Variants in VAV2 observed in about 807,000 individuals in gnomAD.
VAV2 encodes the protein vav guanine nucleotide exchange factor 2.
Under a neutral mutation model 132.5 loss-of-function variants are expected in VAV2, and 67 were observed. That is an observed-to-expected ratio of 0.51 (90% confidence interval 0.42 to 0.62). VAV2 has a LOEUF of 0.62. Ranked by LOEUF, VAV2 falls within the 20% of genes least tolerant of loss-of-function variation. The probability of loss-of-function intolerance (pLI) is 0.00; values close to 1 mark genes in which losing one functional copy is unlikely to be tolerated. For synonymous variants in VAV2, 492 were observed against 443.5 expected (o/e 1.11, Z -1.37); for missense variants, 938 against 1,153.6 (o/e 0.81, Z 2.71).
rs375729706 is a variant in VAV2 at position 133,975,736 on chromosome 9, G to T, written c.204+16339C>A. On this transcript the variant is annotated intron_variant, in intron 1 of 29. Transcript: ENST00000371850. ...CACAGTGCCCTGGGTCCAAGAGAGT[G>T]TTGAGCTCTAAGAGAATATTTAAAT... Among the ~76,000 whole-genome samples, 8 of 152,338 alleles carry T rather than the reference G, an allele frequency of 5.3e-5. 1 individual carries two copies. The South Asian group carries it at 1.5e-3, about 28-fold the overall frequency.
chr9:133,842,997 C>T (rs138861177), intron 3 of VAV2, among the ~76,000 whole-genome samples: 34 of 152,322 alleles, frequency 2.2e-4, no homozygotes, highest in African/African-American at 7.2e-4. Flanking sequence ...ACCAGGGCTT[C>T]GCTTATTAGA....
intron 2 of VAV2, among the ~76,000 whole-genome samples, chr9:133,927,426 GCAGAGGCTCAGCC>G (rs1352453307): frequency 6.6e-6 from 1 of 152,226 alleles, no homozygotes; most frequent in Non-Finnish European, 1.5e-5. Context: ...AGAGAACACA[GCAGAGGCTCAGCC>G]CAGAGGCTCT....
chr9:133,947,647 C>T lies in VAV2; in HGVS notation c.205-8428G>A, dbSNP rs1241983398. 2.7e-5 allele frequency among the ~76,000 whole-genome samples: 4 copies of T among 149,454 alleles called. No individual in the cohort carries two copies. In the East Asian group the frequency reaches 6.2e-4, roughly 23 times the overall value. ...TCGGGAGGTGGAGGTTGCAGTGAGCCGAGATCATGCCATTGCACTCCAGCC... is the reference window on the plus strand; with the variant it reads ...TCGGGAGGTGGAGGTTGCAGTGAGCTGAGATCATGCCATTGCACTCCAGCC... On this transcript the variant is annotated intron_variant, in intron 1 of 29. Transcript: ENST00000371850.
intron 7 of VAV2, 129 bp from the exon 8 acceptor site, chr9:133,807,455 G>A (rs762814668): frequency 8.8e-6 from 8 of 908,682 alleles, no homozygotes; most frequent in Non-Finnish European, 1.3e-5. Context: ...TACTGGGGTA[G>A]CCTGTGTTCT....
chr9:133,818,723 G>A (rs1483870476), intron 4 of VAV2, among the ~76,000 whole-genome samples: 3 of 152,142 alleles, frequency 2.0e-5, no homozygotes, highest in Admixed American at 6.5e-5. Flanking sequence ...TATGCTTCTT[G>A]GAAGCCACTA....
At position 133,991,874 on chromosome 9, in the gene VAV2, G is replaced by A. The variant is rs905980938; in HGVS notation, c.204+201C>T. On this transcript the variant is annotated intron_variant, in intron 1 of 29. Transcript: ENST00000371850. This position sits in a 1 kb window ranked among gnomAD's most constrained non-coding sequence, Gnocchi z 4.8. ...GCGGCGGCGCGACCCAGGCTGAGGG[G>A]ACTTTGGCCAACTTCGCGCCTCCTG... Among the ~76,000 whole-genome samples the A allele has an allele frequency of 1.1e-4, 16 of 150,942 alleles. No homozygotes were observed. Among genetic ancestry groups the A allele is most frequent in the Non-Finnish European group, 1.6e-4 (11 of 67,588 alleles).
Position 133,774,994 on chromosome 9 carries a change from G to A in VAV2, c.2076C>T (p.Ser692=), listed in dbSNP as rs56006146. 0.019 allele frequency: 31,118 copies of A among 1,613,274 alleles called. 713 individuals carry two copies. Among genetic ancestry groups the A allele is most frequent in the African/African-American group, 0.11 (8,372 of 74,932 alleles). The part of the protein sequence containing the change: ...QTDNLLKSHA[S]GTYLIRERPA... The stretch of plus-strand genomic sequence containing the variant: ...GCCGCTCCCTGATCAGGTAGGTCCC[G>A]CTGGCGTGGGACTTGAGCAGGTTGT... Residue 692 remains serine (S), a synonymous_variant, in exon 25 of 30, where the codon AGC becomes AGT. Transcript: ENST00000371850.
chr9:133,789,225 C>T (rs776341122), intron 14 of VAV2, 33 bp downstream of exon 14: 24 of 1,609,638 alleles, frequency 1.5e-5, no homozygotes, highest in East Asian at 4.5e-5. Flanking sequence ...CCTGGCGGGA[C>T]GCCACCCAGC....
At chr9:133,984,454 A>T (rs1842789995) in intron 1 of VAV2, among the ~76,000 whole-genome samples, 1 of 152,260 alleles carries the variant, frequency 6.6e-6, no homozygotes, top group South Asian at 2.1e-4. Context: ...CTGTACAAGA[A>T]ATTAAAACAT....
chr9:133,937,166 T>G (rs775702373), intron 2 of VAV2, among the ~76,000 whole-genome samples: 2 of 152,316 alleles, frequency 1.3e-5, no homozygotes, highest in South Asian at 2.1e-4. Flanking sequence ...TAAATACCAG[T>G]TGAGTGTCTA....
At position 133,935,978 on chromosome 9, in the gene VAV2, G is replaced by A. The variant is rs1285083469; in HGVS notation, c.321+3125C>T. ...GCAAAGGGCATGGCTCAGATGCGGAGACCAGAAGCAGCAAGGCCCCAGAGT... is the reference window on the plus strand; with the variant it reads ...GCAAAGGGCATGGCTCAGATGCGGAAACCAGAAGCAGCAAGGCCCCAGAGT... On this transcript the variant is annotated intron_variant, in intron 2 of 29. Coordinates refer to ENST00000371850, the MANE Select transcript of VAV2 (RefSeq NM_001134398.2). This position sits in a 1 kb window ranked among gnomAD's most constrained non-coding sequence, Gnocchi z 5.2. Among the ~76,000 whole-genome samples the A allele has an allele frequency of 6.6e-6, 1 of 152,228 alleles. No individual in the cohort carries two copies. The highest frequency in any genetic ancestry group is 1.9e-4 in the East Asian group (1 of 5,188).
At chr9:133,875,468 G>A (rs1302439298) in intron 2 of VAV2, among the ~76,000 whole-genome samples, 1 of 152,174 alleles carries the variant, frequency 6.6e-6, no homozygotes, top group African/African-American at 2.4e-5. Context: ...GCAGGCTCTG[G>A]GCAACCCAGA....
At chr9:133,864,635 C>T (rs1837728976) in intron 2 of VAV2, among the ~76,000 whole-genome samples, 1 of 152,264 alleles carries the variant, frequency 6.6e-6, no homozygotes, top group African/African-American at 2.4e-5. Context: ...ACCCCACAGG[C>T]TCTGGGGCCT....
At chr9:133,986,264 C>G (rs948709796) in intron 1 of VAV2, among the ~76,000 whole-genome samples, 1 of 152,176 alleles carries the variant, frequency 6.6e-6, no homozygotes, top group Non-Finnish European at 1.5e-5. Flanking sequence ...CGGAGCTAGA[C>G]CCCTACAGTT....
chr9:133,804,959 C>G lies in VAV2; in HGVS notation c.836+1122G>C, dbSNP rs1198630074. On this transcript the variant is annotated intron_variant, in intron 9 of 29. Coordinates refer to ENST00000371850, the MANE Select transcript of VAV2 (RefSeq NM_001134398.2). This position sits in a 1 kb window ranked among gnomAD's most constrained non-coding sequence, Gnocchi z 4.5. ...CCTCCAAGCCATGGCCCCTGGAGAG[C>G]AGGCTCCAGGACCCTCCTCACAGGG... 1.3e-5 allele frequency among the ~76,000 whole-genome samples: 2 copies of G among 152,178 alleles called. No individual in the cohort carries two copies. The highest frequency in any genetic ancestry group is 2.9e-5 in the Non-Finnish European group (2 of 68,016).
At chr9:133,897,486 G>A (rs1329305568) in intron 2 of VAV2, among the ~76,000 whole-genome samples, 3 of 152,134 alleles carry the variant, frequency 2.0e-5, no homozygotes, top group Non-Finnish European at 4.4e-5. Flanking sequence ...GCTGGGCTGT[G>A]TCTCCTTGAA....
chr9:133,931,968 G>A (rs995163185), intron 2 of VAV2, among the ~76,000 whole-genome samples: 9 of 152,166 alleles, frequency 5.9e-5, no homozygotes, highest in Non-Finnish European at 7.4e-5. Context: ...TGCGCTGCCG[G>A]GGTGCCTTCC....
At chr9:133,807,548 G>A (rs977537722) in intron 7 of VAV2, among the ~76,000 whole-genome samples, 2 of 152,222 alleles carry the variant, frequency 1.3e-5, no homozygotes, top group Admixed American at 6.5e-5. Context: ...CCAGCGTGAC[G>A]GGGGCAGAGT....
At chr9:133,949,957 G>A (rs1461068950) in intron 1 of VAV2, among the ~76,000 whole-genome samples, 1 of 152,220 alleles carries the variant, frequency 6.6e-6, no homozygotes, top group Non-Finnish European at 1.5e-5. Flanking sequence ...GAGCTCTGCT[G>A]CAAACTTCAA....
Sources: allele counts gnomAD v4.1 joint callset (sites outside exome capture counted in the v4.1 genomes callset), GRCh38; gene constraint gnomAD v4.1.1; non-coding constraint Gnocchi (gnomAD v3.1); transcripts MANE v1.5; gene names NCBI Gene and HGNC (gene_info 2026-07-23, HGNC 2026-07-21).